ZC3H12C: variants seen among roughly 807,000 people sequenced by gnomAD.
ZC3H12C encodes the protein probable ribonuclease ZC3H12C.
In ZC3H12C, 20 loss-of-function variants were observed where a neutral mutation model predicts 76.3. The ratio of observed to expected loss-of-function variants is 0.26; its 90% confidence interval spans 0.18 to 0.38. The LOEUF (loss-of-function observed/expected upper bound fraction) is 0.38, where lower values mean the gene tolerates loss of function less well. Ranked by LOEUF, ZC3H12C falls within the 10% of genes least tolerant of loss-of-function variation. The pLI is 1.00. For missense variants in ZC3H12C, 874 were observed against 1,086.5 expected (o/e 0.80, Z 2.75); for synonymous variants, 352 against 399.6 (o/e 0.88, Z 1.42).
intron 1 of ZC3H12C, among the ~76,000 whole-genome samples, chr11:110,129,370 C>T (rs760386321): frequency 6.6e-6 from 1 of 152,134 alleles, no homozygotes; most frequent in East Asian, 1.9e-4. Context: ...AGTGCGATAA[C>T]TGAAACATCT....
At chr11:110,154,687 A>G (rs1445342453) in intron 3 of ZC3H12C, among the ~76,000 whole-genome samples, 1 of 152,054 alleles carries the variant, frequency 6.6e-6, no homozygotes, top group Non-Finnish European at 1.5e-5. Context: ...AGAAATTACT[A>G]AGGAAAAGAG....
At chr11:110,131,034 A>G in intron 1 of ZC3H12C, 1 of 1,535,678 alleles carries the variant, frequency 6.5e-7, no homozygotes, top group Non-Finnish European at 8.7e-7. Context: ...GGAAGTCTGC[A>G]GCTAAAATTG....
exon 6 of ZC3H12C, chr11:110,171,840 A>AACTT (rs967337940): frequency 3.5e-4 from 53 of 152,160 alleles, no homozygotes; most frequent in African/African-American, 1.3e-3. Flanking sequence ...AACTAGACAT[A>AACTT]ACTTAAGGCA....
chr11:110,103,609 T>C (rs1242475584), intron 1 of ZC3H12C, among the ~76,000 whole-genome samples: 1 of 151,758 alleles, frequency 6.6e-6, no homozygotes, highest in African/African-American at 2.4e-5. Context: ...TTGAGTTTTT[T>C]TTTGTTTTTT....
chr11:110,159,616 C>T (rs1163347760), intron 4 of ZC3H12C, 126 bp downstream of exon 4: 1 of 799,370 alleles, frequency 1.3e-6, no homozygotes, highest in East Asian at 2.7e-5. Context: ...CAACTGATCT[C>T]CCCACTGATC....
intron 3 of ZC3H12C, 113 bp downstream of exon 3, chr11:110,153,171 G>A (rs1862307099): frequency 6.9e-6 from 9 of 1,300,762 alleles, no homozygotes; most frequent in Non-Finnish European, 9.3e-6. Context: ...CAGGCAGTGG[G>A]ACACAAACGT....
rs777655904 is a variant in ZC3H12C at position 110,165,081 on chromosome 11, C to T, written c.1996C>T (p.His666Tyr). The T allele has an allele frequency of 1.2e-6, 2 of 1,613,590 alleles. No homozygotes were observed. Among genetic ancestry groups the T allele is most frequent in the East Asian group, 2.2e-5 (1 of 44,898 alleles). ...GGAGAATTTGAAGTGTCAACACATG[C>T]ACCCTCACAGCCGCCTTAATCCTCA... is the stretch of plus-strand genomic sequence containing the variant. ...LEENLKCQHMHPHSRLNPQPF... is the reference protein window; with the variant it reads ...LEENLKCQHMYPHSRLNPQPF... Residue 666 changes from histidine (H) to tyrosine (Y), a missense_variant, in exon 6 of 6, where the codon CAC becomes TAC. This residue lies in a region of ZC3H12C where 395 missense variants were observed against 434.4 expected (regional missense o/e 0.91). Coordinates refer to ENST00000278590, the MANE Select transcript of ZC3H12C (RefSeq NM_033390.2).
chr11:110,117,979 AT>A lies in ZC3H12C; in HGVS notation c.22-18682del, dbSNP rs1861579475. Among the ~76,000 whole-genome samples, 9 of 43,806 alleles carry A rather than the reference AT, an allele frequency of 2.1e-4. 1 individual carries two copies. The highest frequency in any genetic ancestry group is 8.0e-4 in the Admixed American group (3 of 3,768). The allele number at this position is 43,806 out of a possible 152,430, so 28.7% of individuals were successfully genotyped here. A position where few individuals can be genotyped will look rare whatever the true frequency, so the allele number is the denominator to read the frequency against. On this transcript the variant is annotated intron_variant, in intron 1 of 5. Transcript: ENST00000278590. ...CACACATATATACACACACATATAT[AT>A]TATATATATACACACATATATATTA...
At chr11:110,125,302 T>A (rs907879446) in intron 1 of ZC3H12C, among the ~76,000 whole-genome samples, 2 of 146,262 alleles carry the variant, frequency 1.4e-5, no homozygotes, top group African/African-American at 5.0e-5. Flanking sequence ...TGTGTGTGTG[T>A]GTGTGTGTGT....
intron 1 of ZC3H12C, among the ~76,000 whole-genome samples, chr11:110,134,168 A>T (rs1206694706): frequency 6.6e-6 from 1 of 152,104 alleles, no homozygotes; most frequent in Non-Finnish European, 1.5e-5. Context: ...CATTAAATGC[A>T]CTTCCTGCAG....
chr11:110,134,281 C>T (rs1710935852), intron 1 of ZC3H12C, among the ~76,000 whole-genome samples: 1 of 152,098 alleles, frequency 6.6e-6, no homozygotes, highest in South Asian at 2.1e-4. Context: ...ACTTAAGTCC[C>T]AGTCTCTTTT....
At chr11:110,162,349 T>A (rs182304221) in intron 4 of ZC3H12C, among the ~76,000 whole-genome samples, 1 of 152,324 alleles carries the variant, frequency 6.6e-6, no homozygotes, top group Admixed American at 6.5e-5. Flanking sequence ...TTTTGTAACA[T>A]GTAGTGTTAC....
intron 3 of ZC3H12C, among the ~76,000 whole-genome samples, chr11:110,154,481 C>T (rs1035956294): frequency 1.1e-4 from 16 of 152,034 alleles, no homozygotes. Flanking sequence ...AGACCCTAGC[C>T]TATGTATAAA....
At chr11:110,103,839 G>T (rs1390826877) in intron 1 of ZC3H12C, among the ~76,000 whole-genome samples, 1 of 152,032 alleles carries the variant, frequency 6.6e-6, no homozygotes, top group Non-Finnish European at 1.5e-5. Context: ...TCCTGACCTC[G>T]TGATCCGCCC....
chr11:110,099,376 G>A (rs940219881), intron 1 of ZC3H12C, among the ~76,000 whole-genome samples: 2 of 152,074 alleles, frequency 1.3e-5, no homozygotes, highest in African/African-American at 4.8e-5. Flanking sequence ...GAGCCACTAA[G>A]TATTAACTTT....
rs1862667185 is a variant in ZC3H12C at position 110,170,941 on chromosome 11, G to A, written c.*5204G>A. On this transcript the variant is annotated 3_prime_UTR_variant, in exon 6 of 6. Coordinates refer to ENST00000278590, the MANE Select transcript of ZC3H12C (RefSeq NM_033390.2). ...AGTGTTACTGTTATGTATTAGAAGT[G>A]GCTTTTCCCCCTAAGATCCTTAGTC... is the stretch of plus-strand genomic sequence containing the variant. 1 of 152,118 alleles carries A rather than the reference G, an allele frequency of 6.6e-6. No individual in the cohort carries two copies. Among genetic ancestry groups the A allele is most frequent in the Non-Finnish European group, 1.5e-5 (1 of 68,010 alleles). The allele number at this position is 152,118 out of a possible 1,614,324, so 9.4% of individuals were successfully genotyped here. A position where few individuals can be genotyped will look rare whatever the true frequency, so the allele number is the denominator to read the frequency against.
At chr11:110,117,346 A>G (rs906007510) in intron 1 of ZC3H12C, among the ~76,000 whole-genome samples, 1 of 152,156 alleles carries the variant, frequency 6.6e-6, no homozygotes, top group African/African-American at 2.4e-5. Context: ...CTAATAGATC[A>G]TTTTAATGTA....
At chr11:110,093,530 CAGGCGGA>C (rs1440449678) in intron 1 of ZC3H12C, 98 bp downstream of exon 1, 17 of 956,278 alleles carry the variant, frequency 1.8e-5, no homozygotes, top group Non-Finnish European at 2.1e-5. Context: ...GCCCGGGCGC[CAGGCGGA>C]GGGCGCCGGG....
Position 110,117,944 on chromosome 11 carries a change from TATATATACACACAC to T in ZC3H12C, c.22-18697_22-18684del, listed in dbSNP as rs1342991656. Among the ~76,000 whole-genome samples, 8 of 115,794 alleles carry T rather than the reference TATATATACACACAC, an allele frequency of 6.9e-5. 3 individuals carry two copies. Among genetic ancestry groups the T allele is most frequent in the Non-Finnish European group, 1.2e-4 (7 of 60,486 alleles). 76.0% of individuals were successfully genotyped at this position (115,794 alleles called of 152,430 possible). On this transcript the variant is annotated intron_variant, in intron 1 of 5. Coordinates refer to ENST00000278590, the MANE Select transcript of ZC3H12C (RefSeq NM_033390.2). The stretch of plus-strand genomic sequence containing the variant: ...TATATACACACACACATATATATAT[TATATATACACACAC>T]ATATATACACACACATATATATTAT...
Sources: gnomAD v4.1 joint callset for allele counts (sites outside exome capture counted in the v4.1 genomes callset) on GRCh38, gnomAD v4.1.1 for gene constraint, gnomAD v4.1.1 regional missense constraint, MANE v1.5 for transcripts, NCBI Gene and HGNC (gene_info 2026-07-23, HGNC 2026-07-21) for gene names.